Variants in ABI2 observed in about 807,000 individuals in gnomAD.
ABI2 encodes the protein abl interactor 2.
Under a neutral mutation model 59.2 loss-of-function variants are expected in ABI2, and 25 were observed. The observed-to-expected ratio is 0.42, with a 90% CI of 0.31 to 0.59. The LOEUF (loss-of-function observed/expected upper bound fraction) is 0.59, where lower values mean the gene tolerates loss of function less well. Ranked by LOEUF, ABI2 falls within the 20% of genes least tolerant of loss-of-function variation. ABI2 has a pLI of 0.14. For missense variants in ABI2, 545 were observed against 681.8 expected (o/e 0.80, Z 2.23); for synonymous variants, 213 against 235.5 (o/e 0.90, Z 0.87).
intron 8 of ABI2, among the ~76,000 whole-genome samples, chr2:203,397,731 A>G (rs2097060744): frequency 6.6e-6 from 1 of 152,184 alleles, no homozygotes; most frequent in East Asian, 1.9e-4. Flanking sequence ...GAAGCATGAT[A>G]GTGGCATCTG....
chr2:203,425,026 ATT>A (rs771713104), intron 11 of ABI2, among the ~76,000 whole-genome samples: 6 of 134,520 alleles, frequency 4.5e-5, no homozygotes, highest in Non-Finnish European at 4.8e-5. Context: ...TGCCAGGCTA[ATT>A]TTTTTTTTTT....
intron 4 of ABI2, among the ~76,000 whole-genome samples, chr2:203,387,844 C>CTG (rs1374268174): frequency 6.7e-6 from 1 of 149,996 alleles, no homozygotes; most frequent in Non-Finnish European, 1.5e-5. Flanking sequence ...TATGTTCTGT[C>CTG]TCTCTCTCTG....
At chr2:203,332,393 G>A (rs562036021) in intron 1 of ABI2, among the ~76,000 whole-genome samples, 3 of 152,114 alleles carry the variant, frequency 2.0e-5, no homozygotes, top group South Asian at 2.1e-4. Flanking sequence ...TTGGGAGGCC[G>A]AGGCAGGCAC....
intron 4 of ABI2, among the ~76,000 whole-genome samples, chr2:203,386,990 C>G (rs1016524076): frequency 6.6e-6 from 1 of 151,082 alleles, no homozygotes; most frequent in Non-Finnish European, 1.5e-5. Flanking sequence ...TTCAGAATAC[C>G]TTTAAAGCAG....
At position 203,349,264 on chromosome 2, in the gene ABI2, CT is replaced by C. The variant is rs2085997500; in HGVS notation, c.118-17610del. Among the ~76,000 whole-genome samples, 4 of 152,068 alleles carry C rather than the reference CT, an allele frequency of 2.6e-5. No homozygotes were observed. The South Asian group carries it at 8.3e-4, about 32-fold the overall frequency. On this transcript the variant is annotated intron_variant, in intron 1 of 11. Transcript: ENST00000261018. ...GCTGGTGCCCTATAACTCTTGAACA[CT>C]TTAGTGTGTTTTTTCCACAAACAAG...
intron 3 of ABI2, among the ~76,000 whole-genome samples, chr2:203,381,417 G>T (rs533873220): frequency 6.6e-6 from 1 of 152,100 alleles, no homozygotes. Context: ...CTACAGGCAC[G>T]TGCCACCATG....
chr2:203,363,370 G>A (rs1305675652), intron 1 of ABI2, among the ~76,000 whole-genome samples: 1 of 151,990 alleles, frequency 6.6e-6, no homozygotes, highest in Non-Finnish European at 1.5e-5. Flanking sequence ...TCACCCTGTT[G>A]TGCTAGCAAA....
intron 10 of ABI2, among the ~76,000 whole-genome samples, chr2:203,414,129 T>G (rs1343234749): frequency 6.7e-6 from 1 of 149,600 alleles, no homozygotes; most frequent in Non-Finnish European, 1.5e-5. Context: ...TTGGAGACAG[T>G]CTCACTCTGT....
chr2:203,374,018 G>T (rs1043148168), intron 2 of ABI2, among the ~76,000 whole-genome samples: 1 of 151,998 alleles, frequency 6.6e-6, no homozygotes, highest in African/African-American at 2.4e-5. Context: ...AATTAGCCAG[G>T]TGTGGTGGTG....
chr2:203,361,346 A>C (rs1389677684), intron 1 of ABI2, among the ~76,000 whole-genome samples: 1 of 152,088 alleles, frequency 6.6e-6, no homozygotes, highest in Non-Finnish European at 1.5e-5. Flanking sequence ...GAACAAGAAA[A>C]TGTTTGGCTT....
rs530887961 is a variant in ABI2 at position 203,425,391 on chromosome 2, C to T, written c.1454-1786C>T. 9.9e-5 allele frequency among the ~76,000 whole-genome samples: 15 copies of T among 151,960 alleles called. No individual in the cohort carries two copies. The South Asian group carries it at 2.5e-3, about 25-fold the overall frequency. On this transcript the variant is annotated intron_variant, in intron 11 of 11. Coordinates refer to ENST00000261018, the MANE Select transcript of ABI2 (RefSeq NM_001375670.1). ...CTAATTTTTGTATTTTTAGTAGAGA[C>T]GGGGTTTCACCATGTTGGCCAGGCT...
chr2:203,393,052 C>A (rs999769973), intron 5 of ABI2, among the ~76,000 whole-genome samples: 14 of 151,962 alleles, frequency 9.2e-5, no homozygotes, highest in Admixed American at 5.9e-4. Context: ...TTGGATGCAA[C>A]AGAACTTATT....
At chr2:203,369,387 A>C (rs2094887926) in intron 2 of ABI2, among the ~76,000 whole-genome samples, 1 of 152,146 alleles carries the variant, frequency 6.6e-6, no homozygotes, top group Non-Finnish European at 1.5e-5. Flanking sequence ...TGATGACAAC[A>C]AGCAAATAGC....
intron 1 of ABI2, chr2:203,342,255 A>G (rs186888430): frequency 2.2e-6 from 1 of 449,468 alleles, no homozygotes; most frequent in Non-Finnish European, 4.4e-6. Flanking sequence ...GACCAAGTCC[A>G]GTTCTGTTAC....
At chr2:203,384,308 T>TG (rs2096349543) in intron 4 of ABI2, among the ~76,000 whole-genome samples, 22 of 79,894 alleles carry the variant, frequency 2.8e-4, no homozygotes, top group African/African-American at 7.1e-4. Flanking sequence ...TTTTTTTTTT[T>TG]TTTTTTTTTT....
At chr2:203,354,431 T>A (rs2090772283) in intron 1 of ABI2, among the ~76,000 whole-genome samples, 1 of 152,200 alleles carries the variant, frequency 6.6e-6, no homozygotes, top group Admixed American at 6.5e-5. Context: ...TATCTTTAAT[T>A]CATCTCTAAA....
intron 1 of ABI2, among the ~76,000 whole-genome samples, chr2:203,346,210 G>T (rs903878279): frequency 3.3e-5 from 5 of 152,036 alleles, no homozygotes. Context: ...AGAATAGTAA[G>T]CTATTTCCCA....
chr2:203,375,334 C>G (rs1236399638), intron 2 of ABI2, among the ~76,000 whole-genome samples: 48 of 152,134 alleles, frequency 3.2e-4, no homozygotes, highest in Non-Finnish European at 2.9e-5. Flanking sequence ...GCTAGCAGAA[C>G]ACATTTTTTA....
At chr2:203,392,314 CCAACAACAACAACAACAACAA>C (rs150870167) in intron 5 of ABI2, among the ~76,000 whole-genome samples, 3 of 123,226 alleles carry the variant, frequency 2.4e-5, no homozygotes, top group Admixed American at 9.0e-5. Flanking sequence ...ACCACCACCA[CCAACAACAACAACAACAACAA>C]CAACAACAAA....
Sources: allele counts gnomAD v4.1 joint callset (sites outside exome capture counted in the v4.1 genomes callset), GRCh38; gene constraint gnomAD v4.1.1; transcripts MANE v1.5; gene names NCBI Gene and HGNC (gene_info 2026-07-23, HGNC 2026-07-21).